MCF2: variants seen among roughly 807,000 people sequenced by gnomAD.
The protein encoded by MCF2 is MCF.2 cell line derived transforming sequence.
MCF2 carries 44 observed loss-of-function variants against 82.5 expected under a neutral mutation model. The observed-to-expected ratio is 0.53, with a 90% CI of 0.42 to 0.69. The LOEUF (loss-of-function observed/expected upper bound fraction) is 0.69. Among genes scored for constraint, MCF2 ranks in the 30% least tolerant of loss-of-function variants. MCF2 has a pLI of 0.00. For missense variants in MCF2, 623 were observed against 663.1 expected, an observed-to-expected ratio of 0.94 and a Z score of 0.66; for synonymous variants, 217 against 224.9, an observed-to-expected ratio of 0.96 and a Z score of 0.32.
At chrX:139,618,735 G>GTGGCCTTGCTCTCACATAAAAAGCA in intron 7 of MCF2, among the ~76,000 whole-genome samples, 1 of 111,170 alleles carries the variant, frequency 9.0e-6, no homozygotes, top group Non-Finnish European at 1.9e-5. Flanking sequence ...CTTAAAAAGC[G>GTGGCCTTGCTCTCACATAAAAAGCA]TGGCCTTGCT....
At chrX:139,639,251 A>G (rs2148508458) in intron 1 of MCF2, among the ~76,000 whole-genome samples, 1 of 112,184 alleles carries the variant, frequency 8.9e-6, no homozygotes, top group South Asian at 3.7e-4. Context: ...CAAAAAAGCA[A>G]AGGGATTTGG....
intron 1 of MCF2, among the ~76,000 whole-genome samples, chrX:139,699,428 T>C: frequency 8.9e-6 from 1 of 112,216 alleles, no homozygotes; most frequent in East Asian, 2.8e-4. Context: ...CACAGAGATG[T>C]ACAACCATCA....
At chrX:139,677,256 G>A (rs1041213709) in intron 1 of MCF2, among the ~76,000 whole-genome samples, 1 of 111,590 alleles carries the variant, frequency 9.0e-6, no homozygotes, top group Admixed American at 9.5e-5. Flanking sequence ...AGAATCAGGG[G>A]AGAAGAAACA....
At chrX:139,637,170 C>T (rs1016847854) in intron 1 of MCF2, among the ~76,000 whole-genome samples, 7 of 111,925 alleles carry the variant, frequency 6.3e-5, no homozygotes, top group African/African-American at 2.3e-4. Flanking sequence ...CACATGGATT[C>T]TGTTAACCCA....
chrX:139,605,615 G>A, intron 13 of MCF2, 98 bp downstream of exon 17: 1 of 683,041 alleles, frequency 1.5e-6, no homozygotes, highest in African/African-American at 2.2e-5. Flanking sequence ...AACCAAGGAA[G>A]GAGACGGAAG....
At chrX:139,671,076 T>A (rs1312231190) in intron 1 of MCF2, among the ~76,000 whole-genome samples, 1 of 112,360 alleles carries the variant, frequency 8.9e-6, no homozygotes, top group East Asian at 2.8e-4. Flanking sequence ...ATGATGAGCA[T>A]TTTTTCATGT....
chrX:139,615,195 CAGATTAATGTA>C lies in MCF2; in HGVS notation c.1192-154_1192-144del, dbSNP rs774354319. On this transcript the variant is annotated intron_variant, in intron 9 of 24. Coordinates refer to ENST00000370576, the Ensembl canonical transcript of MCF2. ...CAAGACATTTAGAAAAATAACAAGA[CAGATTAATGTA>C]TTATGTTCACATGGATATAAAACCA... 8.5e-3 allele frequency: 4,172 copies of C among 491,962 alleles called. 20 individuals carry two copies. The highest frequency in any genetic ancestry group is 0.012 in the Non-Finnish European group (3,674 of 301,144). 40.5% of individuals were successfully genotyped at this position (491,962 alleles called of 1,213,427 possible).
chrX:139,594,216 A>G (rs1264004188), intron 19 of MCF2, among the ~76,000 whole-genome samples: 1 of 109,703 alleles, frequency 9.1e-6, no homozygotes, highest in African/African-American at 3.3e-5. Flanking sequence ...ACAGAATTGG[A>G]AAAAACTACT....
chrX:139,615,642 C>T (rs760433068), intron 9 of MCF2, among the ~76,000 whole-genome samples: 8 of 111,714 alleles, frequency 7.2e-5, no homozygotes, highest in East Asian at 5.6e-4. Flanking sequence ...TAGGATATTC[C>T]GCTAAGCATG....
At chrX:139,648,377 G>GCC (rs558959282) in intron 2 of MCF2, among the ~76,000 whole-genome samples, 1 of 106,727 alleles carries the variant, frequency 9.4e-6, no homozygotes, top group African/African-American at 3.4e-5. Flanking sequence ...GTCTCTCCAC[G>GCC]CCCCCCCCAA....
intron 6 of MCF2, among the ~76,000 whole-genome samples, chrX:139,621,370 C>T (rs1479748158): frequency 8.9e-6 from 1 of 111,833 alleles, no homozygotes; most frequent in East Asian, 2.8e-4. Flanking sequence ...AACTAAAGAG[C>T]TTCTGCATAA....
intron 5 of MCF2, 114 bp downstream of exon 8, chrX:139,626,509 C>T (rs1932764365): frequency 1.3e-6 from 1 of 791,776 alleles, no homozygotes. Context: ...AATAAGTTCT[C>T]AGATTTCCAG....
At chrX:139,700,937 G>C (rs1935481362) in intron 1 of MCF2, among the ~76,000 whole-genome samples, 1 of 111,469 alleles carries the variant, frequency 9.0e-6, no homozygotes, top group Non-Finnish European at 1.9e-5. Flanking sequence ...AAGGGTAGGA[G>C]TGAGGCTCAT....
intron 1 of MCF2, among the ~76,000 whole-genome samples, chrX:139,637,196 T>G (rs1049181902): frequency 4.5e-5 from 5 of 112,186 alleles, no homozygotes; most frequent in Non-Finnish European, 9.4e-5. Context: ...TACTCCCAAT[T>G]TTAGTAGCCA....
chrX:139,592,977 T>C (rs964103577), intron 19 of MCF2, among the ~76,000 whole-genome samples: 10 of 111,981 alleles, frequency 8.9e-5, no homozygotes, highest in Non-Finnish European at 1.7e-4. Context: ...GAAAATTTCA[T>C]CAATTGTCAA....
Position 139,662,951 on chromosome X carries a change from C to T in MCF2, c.-44-11163G>A, listed in dbSNP as rs112590462. Among the ~76,000 whole-genome samples the T allele has an allele frequency of 3.1e-3, 347 of 112,034 alleles. 2 individuals carry two copies. Among genetic ancestry groups the T allele is most frequent in the African/African-American group, 0.011 (338 of 30,892 alleles). On this transcript the variant is annotated intron_variant, in intron 1 of 27. Coordinates refer to the MCF2 transcript ENST00000414978. ...TTAAAATAATGACCTACAGTTTCAT[C>T]CATGTTGCTGCAAATGACATGATTT... is the stretch of plus-strand genomic sequence containing the variant.
chrX:139,695,281 C>A (rs959421812), intron 1 of MCF2, among the ~76,000 whole-genome samples: 2 of 111,439 alleles, frequency 1.8e-5, no homozygotes, highest in Non-Finnish European at 3.8e-5. Flanking sequence ...CTGCCCGCCT[C>A]GGCCTCCCAA....
At chrX:139,608,378 C>A (rs904517657) in intron 11 of MCF2, among the ~76,000 whole-genome samples, 2 of 111,405 alleles carry the variant, frequency 1.8e-5, no homozygotes, top group Admixed American at 9.6e-5. Flanking sequence ...CTACTCCCTG[C>A]CACATGTTAG....
intron 1 of MCF2, among the ~76,000 whole-genome samples, chrX:139,683,158 T>A (rs1265329230): frequency 1.8e-5 from 2 of 112,021 alleles, no homozygotes; most frequent in East Asian, 2.8e-4. Context: ...GGTCTCAAAA[T>A]CTTGGGCTCA....
Sources: gnomAD v4.1 joint callset for allele counts (sites outside exome capture counted in the v4.1 genomes callset) on GRCh38, gnomAD v4.1.1 for gene constraint, MANE v1.5 for transcripts, NCBI Gene and HGNC (gene_info 2026-07-23, HGNC 2026-07-21) for gene names.